Variants in ZCCHC8 observed in about 807,000 individuals in gnomAD.
ZCCHC8 encodes zinc finger CCHC-type containing 8.
A neutral mutation model predicts 70.6 loss-of-function variants in ZCCHC8; 27 were observed. The ratio of observed to expected loss-of-function variants is 0.38; its 90% confidence interval spans 0.28 to 0.53. ZCCHC8 has a LOEUF of 0.53. ZCCHC8 is among the 20% of genes least tolerant of loss of function. The probability of loss-of-function intolerance (pLI) is 0.81; values close to 1 mark genes in which losing one functional copy is unlikely to be tolerated. For synonymous variants in ZCCHC8, 293 were observed against 317.4 expected (o/e 0.92, Z 0.82); for missense variants, 737 against 876.9 (o/e 0.84, Z 2.01).
chr12:122,485,702 G>A (rs919856354), intron 5 of ZCCHC8, among the ~76,000 whole-genome samples: 11 of 147,106 alleles, frequency 7.5e-5, no homozygotes, highest in African/African-American at 2.5e-4. Context: ...ATGGAGTCTC[G>A]CTCTGTCGCC....
chr12:122,495,622 G>T (rs1158109130), intron 2 of ZCCHC8, among the ~76,000 whole-genome samples: 3 of 152,018 alleles, frequency 2.0e-5, no homozygotes, highest in Non-Finnish European at 4.4e-5. Context: ...AGCCGAGGCG[G>T]GTGGATCATG....
In ZCCHC8 at chr12:122,483,597, A is replaced by T. The variant is rs1457008057; in HGVS notation, c.502-34T>A. The T allele has an allele frequency of 6.9e-7, 1 of 1,454,154 alleles. No homozygotes were observed. The allele number at this position is 1,454,154 out of a possible 1,614,324, so 90.1% of individuals were successfully genotyped here. On this transcript the variant is annotated intron_variant, in intron 5 of 13. Transcript: ENST00000633063. The surrounding 1 kb of genome is among the most constrained non-coding windows in gnomAD (Gnocchi z 4.4). Reference sequence around the variant, plus strand: ...AACAAGTCAAAAAATATTGCTATTTAAGCAGAAAAAAAGACATTAAATAAT... The same window carrying T: ...AACAAGTCAAAAAATATTGCTATTTTAGCAGAAAAAAAGACATTAAATAAT...
At chr12:122,492,078 A>C (rs1957756134) in intron 3 of ZCCHC8, 1 of 152,360 alleles carries the variant, frequency 6.6e-6, no homozygotes, top group East Asian at 1.9e-4. Flanking sequence ...TTAAGAAGAC[A>C]ACAATATGAC....
Position 122,480,588 on chromosome 12 carries a change from C to T in ZCCHC8, c.1019-277G>A, listed in dbSNP as rs548789948. 5.0e-5 allele frequency: 13 copies of T among 258,654 alleles called. No homozygotes were observed. In the East Asian group the frequency reaches 1.2e-3, roughly 23 times the overall value. 16.0% of individuals were successfully genotyped at this position (258,654 alleles called of 1,614,324 possible). ...TCAGGCTCAAGTGATCCTCCCACCTCAGCCTCCTAAATAGCTGGTACTACA... is the reference window on the plus strand; with the variant it reads ...TCAGGCTCAAGTGATCCTCCCACCTTAGCCTCCTAAATAGCTGGTACTACA... On this transcript the variant is annotated intron_variant, in intron 10 of 13. Transcript: ENST00000633063.
intron 5 of ZCCHC8, among the ~76,000 whole-genome samples, chr12:122,487,849 C>CTA (rs1957669922): frequency 6.6e-6 from 1 of 151,864 alleles, no homozygotes; most frequent in African/African-American, 2.4e-5. Context: ...ACATATGTAT[C>CTA]TATACATACA....
At chr12:122,498,996 G>T in intron 1 of ZCCHC8, 127 bp from the exon 2 acceptor site, 1 of 881,472 alleles carries the variant, frequency 1.1e-6, no homozygotes, top group South Asian at 1.5e-5. Flanking sequence ...TTTTGAGGAT[G>T]ACACACTTAT....
chr12:122,496,668 TTA>T (rs1178425037), intron 2 of ZCCHC8, among the ~76,000 whole-genome samples: 1 of 152,136 alleles, frequency 6.6e-6, no homozygotes, highest in Non-Finnish European at 1.5e-5. Context: ...CAGCTAATTT[TTA>T]AAAATTTTTT....
In ZCCHC8 at chr12:122,477,971, C is replaced by G. The variant is rs368650485; in HGVS notation, c.1228-13G>C. 7.6e-6 allele frequency: 12 copies of G among 1,581,094 alleles called. No homozygotes were observed. Among genetic ancestry groups the G allele is most frequent in the African/African-American group, 1.3e-5 (1 of 74,142 alleles). On this transcript the variant is annotated splice_polypyrimidine_tract_variant and intron_variant, in intron 12 of 13. Coordinates refer to ENST00000633063, the MANE Select transcript of ZCCHC8 (RefSeq NM_017612.5). ...ACTTCACACCTGGCTAAAAGAGCAACCAGACCAAACACAAGTTAAGCGGGG... is the reference window on the plus strand; with the variant it reads ...ACTTCACACCTGGCTAAAAGAGCAAGCAGACCAAACACAAGTTAAGCGGGG...
At position 122,483,268 on chromosome 12, in the gene ZCCHC8, C is replaced by T. The variant is rs374971029; in HGVS notation, c.671+11G>A. 3.9e-5 allele frequency: 61 copies of T among 1,584,134 alleles called. No homozygotes were observed. Among genetic ancestry groups the T allele is most frequent in the Non-Finnish European group, 5.1e-5 (59 of 1,163,948 alleles). ...GTAAATAAGTAAAACAAAACAACTCCCCACACAAACCTTTTTGCCTTTACT... is the reference window on the plus strand; with the variant it reads ...GTAAATAAGTAAAACAAAACAACTCTCCACACAAACCTTTTTGCCTTTACT... On this transcript the variant is annotated intron_variant, in intron 7 of 13. Coordinates refer to ENST00000633063, the MANE Select transcript of ZCCHC8 (RefSeq NM_017612.5). This position sits in a 1 kb window ranked among gnomAD's most constrained non-coding sequence, Gnocchi z 4.4.
In ZCCHC8 at chr12:122,490,565, T is replaced by C; in HGVS notation, c.320A>G (p.Gln107Arg). ...ILFMNNAISK[Q>R]YHQEIEEFVS... is the part of the protein sequence containing the mutation. ...AAATTCCTCTATTTCTTGATGATAT[T>C]GCCTGTGTAAGAGGACAAAATGGTC... The change falls in exon 4 of 14, where the codon CAA (glutamine) becomes CGA (arginine). Residue 107 changes from glutamine to arginine, a missense_variant and splice_region_variant. Physicochemically the swap from Gln to Arg is conservative, Grantham distance 43. Coordinates refer to ENST00000633063, the MANE Select transcript of ZCCHC8 (RefSeq NM_017612.5). 1.3e-6 allele frequency: 2 copies of C among 1,599,948 alleles called. No homozygotes were observed. The highest frequency in any genetic ancestry group is 1.7e-6 in the Non-Finnish European group (2 of 1,171,330).
rs942674499 is a variant in ZCCHC8, at chr12:122,482,693, G to C, written c.674C>G (p.Pro225Arg). Residue 225 changes from proline (P) to arginine (R), a missense_variant and splice_region_variant, in exon 8 of 14, where the codon CCA becomes CGA. By Grantham distance (103) the Pro-to-Arg change is moderately radical. Transcript: ENST00000633063. ...ACCACAATTGAAACAGTGAGGCTTT[G>C]GCCTATTTGGTCAAAAGACAAAGAT... ...GQEIQVKAKR[P>R]KPHCFNCGSE... 3.7e-6 allele frequency: 6 copies of C among 1,603,026 alleles called. No homozygotes were observed. Among genetic ancestry groups the C allele is most frequent in the Non-Finnish European group, 4.3e-6 (5 of 1,174,002 alleles).
chr12:122,483,289 T>C lies in ZCCHC8; in HGVS notation c.661A>G (p.Lys221Glu). The change falls in exon 7 of 14, where the codon AAG (lysine) becomes GAG (glutamate). Residue 221 changes from lysine (K) to glutamate (E), a missense_variant. Transcript: ENST00000633063. The surrounding 1 kb of genome is among the most constrained non-coding windows in gnomAD (Gnocchi z 4.4). ...VSLEGQEIQV[K>E]AKRPKPHCFN... Reference sequence around the variant, plus strand: ...ACTCCCCACACAAACCTTTTTGCCTTTACTTGTATTTCTTGCCCTTCTAGA... The same window carrying C: ...ACTCCCCACACAAACCTTTTTGCCTCTACTTGTATTTCTTGCCCTTCTAGA... 6.3e-7 allele frequency: 1 copy of C among 1,597,060 alleles called. No individual in the cohort carries two copies. Among genetic ancestry groups the C allele is most frequent in the East Asian group, 2.2e-5 (1 of 44,530 alleles).
At chr12:122,476,021 C>A (rs1056680917) in intron 13 of ZCCHC8, among the ~76,000 whole-genome samples, 1 of 152,188 alleles carries the variant, frequency 6.6e-6, no homozygotes, top group Non-Finnish European at 1.5e-5. Context: ...CAAAGTTACC[C>A]TATGACTTCA....
At chr12:122,475,942 C>G (rs1227665589) in intron 13 of ZCCHC8, among the ~76,000 whole-genome samples, 1 of 152,208 alleles carries the variant, frequency 6.6e-6, no homozygotes, top group Non-Finnish European at 1.5e-5. Flanking sequence ...TCTGCACTTC[C>G]CTCTGTCTCA....
At chr12:122,489,746 T>G (rs540179892) in intron 4 of ZCCHC8, among the ~76,000 whole-genome samples, 1 of 152,258 alleles carries the variant, frequency 6.6e-6, no homozygotes, top group African/African-American at 2.4e-5. Flanking sequence ...ATATTGATAA[T>G]ATAACCCTCA....
At position 122,473,928 on chromosome 12, in the gene ZCCHC8, G is replaced by T; in HGVS notation, c.1693C>A (p.Leu565Ile). 6.2e-7 allele frequency: 1 copy of T among 1,613,154 alleles called. No individual in the cohort carries two copies. Among genetic ancestry groups the T allele is most frequent in the Non-Finnish European group, 8.5e-7 (1 of 1,179,688 alleles). The change falls in exon 14 of 14, where the codon CTC becomes ATC. Residue 565 changes from leucine to isoleucine, a missense_variant. By Grantham distance (5) the Leu-to-Ile change is conservative (BLOSUM62 2). Transcript: ENST00000633063. ...GATGTTTTTCCCTCCGGGACAGGGA[G>T]GTCTAGCTCATTTGGACAAGGTGAT... is the stretch of plus-strand genomic sequence containing the variant. ...ASSPCPNELD[L>I]PVPEGKTSEK... is the part of the protein sequence containing the mutation.
At chr12:122,493,705 C>T (rs1957782977) in intron 2 of ZCCHC8, among the ~76,000 whole-genome samples, 1 of 152,158 alleles carries the variant, frequency 6.6e-6, no homozygotes. Flanking sequence ...CTCTGCTTCC[C>T]AGGTTCACAC....
rs987645852 is a variant in ZCCHC8 at position 122,498,931 on chromosome 12, C to T, written c.200-62G>A. On this transcript the variant is annotated intron_variant, in intron 1 of 13. Coordinates refer to ENST00000633063, the MANE Select transcript of ZCCHC8 (RefSeq NM_017612.5). ...CAATGCAAATCATAAAATTCAACTA[C>T]TACTTCTCTCACTTTTGGTGTCAGA... is the stretch of plus-strand genomic sequence containing the variant. 3.5e-6 allele frequency: 5 copies of T among 1,413,336 alleles called. No homozygotes were observed. The Admixed American group carries it at 7.0e-5, about 20-fold the overall frequency. 87.5% of individuals were successfully genotyped at this position (1,413,336 alleles called of 1,614,324 possible).
Position 122,482,418 on chromosome 12 carries a change from G to T in ZCCHC8, c.732+217C>A, listed in dbSNP as rs1422286489. 2.1e-5 allele frequency: 9 copies of T among 438,664 alleles called. No individual in the cohort carries two copies. In the South Asian group the frequency reaches 4.7e-4, roughly 23 times the overall value. The allele number at this position is 438,664 out of a possible 1,614,324, so 27.2% of individuals were successfully genotyped here. A position where few individuals can be genotyped will look rare whatever the true frequency, so the allele number is the denominator to read the frequency against. On this transcript the variant is annotated intron_variant, in intron 8 of 13. Transcript: ENST00000633063. ...TAAAATATGAACACAAATTTGAAAA[G>T]ATTTCAAATTAAAGGACACTGTTTT...
Sources: allele counts gnomAD v4.1 joint callset (sites outside exome capture counted in the v4.1 genomes callset), GRCh38; gene constraint gnomAD v4.1.1; non-coding constraint Gnocchi (gnomAD v3.1); transcripts MANE v1.5; gene names NCBI Gene and HGNC (gene_info 2026-07-23, HGNC 2026-07-21).